Variants in ELMO1 observed in about 807,000 individuals in gnomAD.
The protein encoded by ELMO1 is engulfment and cell motility 1.
ELMO1 carries 26 observed loss-of-function variants against 98.9 expected under a neutral mutation model. That is an observed-to-expected ratio of 0.26 (90% CI 0.19 to 0.36). ELMO1 has a LOEUF of 0.36. ELMO1 is among the 10% of genes least tolerant of loss of function. The pLI is 1.00. For missense variants in ELMO1, 627 were observed against 935.2 expected, an observed-to-expected ratio of 0.67 and a Z score of 4.30; for synonymous variants, 346 against 346.0, an observed-to-expected ratio of 1.00 and a Z score of 0.00.
At chr7:37,164,240 C>G (rs1285600945) in intron 13 of ELMO1, among the ~76,000 whole-genome samples, 2 of 152,118 alleles carry the variant, frequency 1.3e-5, no homozygotes, top group African/African-American at 2.4e-5. Context: ...GATATTAGCC[C>G]TTTGTCAGAT....
At chr7:37,304,645 G>A (rs1304228332) in intron 4 of ELMO1, among the ~76,000 whole-genome samples, 1 of 152,186 alleles carries the variant, frequency 6.6e-6, no homozygotes, top group Non-Finnish European at 1.5e-5. Context: ...GAACCCGGGA[G>A]GTGGAGGTTG....
chr7:36,949,582 G>T (rs1787798233), intron 16 of ELMO1, among the ~76,000 whole-genome samples: 1 of 151,992 alleles, frequency 6.6e-6, no homozygotes, highest in African/African-American at 2.4e-5. Flanking sequence ...ATAATTCTAT[G>T]TTGTGGAAGC....
intron 15 of ELMO1, among the ~76,000 whole-genome samples, chr7:37,018,381 C>T (rs1384112195): frequency 2.0e-5 from 3 of 152,098 alleles, no homozygotes; most frequent in Non-Finnish European, 4.4e-5. Context: ...CCGCCTCACC[C>T]TCCCAAAGTG....
chr7:37,237,351 G>A (rs554888749), intron 7 of ELMO1, among the ~76,000 whole-genome samples: 19 of 152,126 alleles, frequency 1.2e-4, no homozygotes, highest in Middle Eastern at 3.4e-3. Flanking sequence ...GTGCAGTAGC[G>A]CGATCTCAGC....
chr7:36,915,831 T>TGTAA (rs2129070015), intron 16 of ELMO1, among the ~76,000 whole-genome samples: 1 of 152,166 alleles, frequency 6.6e-6, no homozygotes, highest in Admixed American at 6.5e-5. Flanking sequence ...TTGGAAAAGA[T>TGTAA]GTAAGCATCA....
chr7:37,174,934 G>C (rs942654149), intron 13 of ELMO1, among the ~76,000 whole-genome samples: 1 of 152,002 alleles, frequency 6.6e-6, no homozygotes, highest in South Asian at 2.1e-4. Flanking sequence ...AGCATAAAGC[G>C]ACATTTTCTT....
chr7:37,422,595 T>C (rs1055907668), intron 1 of ELMO1, among the ~76,000 whole-genome samples: 7 of 152,250 alleles, frequency 4.6e-5, no homozygotes, highest in African/African-American at 1.7e-4. Flanking sequence ...TTAAATGTTT[T>C]GATGGATTTT....
intron 4 of ELMO1, among the ~76,000 whole-genome samples, chr7:37,313,202 T>G (rs147250179): frequency 6.7e-6 from 1 of 148,706 alleles, no homozygotes; most frequent in Non-Finnish European, 1.5e-5. Context: ...GGAAATCAAG[T>G]TCACTTGTTA....
intron 1 of ELMO1, among the ~76,000 whole-genome samples, chr7:37,359,167 G>A (rs149816042): frequency 0.017 from 2,521 of 152,298 alleles, 34 homozygotes; most frequent in Middle Eastern, 0.024. Flanking sequence ...AGTCCAAGCC[G>A]TCAGTGCCAA....
intron 16 of ELMO1, among the ~76,000 whole-genome samples, chr7:36,953,404 T>C (rs545111360): frequency 1.3e-5 from 2 of 152,346 alleles, no homozygotes; most frequent in African/African-American, 4.8e-5. Context: ...GTCAGACATA[T>C]GTGTTTATTA....
intron 15 of ELMO1, 58 bp from the exon 16 acceptor site, chr7:37,013,493 C>T: frequency 1.9e-6 from 3 of 1,590,086 alleles, no homozygotes; most frequent in Non-Finnish European, 1.7e-6. Context: ...AACACGAGAA[C>T]ATAACCACAG....
chr7:37,027,573 A>C, intron 15 of ELMO1, among the ~76,000 whole-genome samples: 1 of 152,196 alleles, frequency 6.6e-6, no homozygotes, highest in African/African-American at 2.4e-5. Context: ...TCGAAAGGAT[A>C]GAGATGTATA....
intron 6 of ELMO1, among the ~76,000 whole-genome samples, chr7:37,256,804 G>A (rs979389920): frequency 6.7e-6 from 1 of 149,476 alleles, no homozygotes; most frequent in South Asian, 2.2e-4. Flanking sequence ...GGGAGGGAAA[G>A]GAGAGGAAGG....
At chr7:37,328,781 C>CCTTCTCTG (rs1799952480) in intron 2 of ELMO1, among the ~76,000 whole-genome samples, 1 of 152,220 alleles carries the variant, frequency 6.6e-6, no homozygotes, top group Non-Finnish European at 1.5e-5. Context: ...ATGCCCAAAT[C>CCTTCTCTG]ACCATCTCCA....
In ELMO1 at chr7:37,170,921, A is replaced by C. The variant is rs1341060819; in HGVS notation, c.1087-37687T>G. On this transcript the variant is annotated intron_variant, in intron 13 of 21. Coordinates refer to ENST00000310758, the MANE Select transcript of ELMO1 (RefSeq NM_014800.11). The stretch of plus-strand genomic sequence containing the variant: ...ATGCCTGGCTGAACTTTCATTTTAT[A>C]AATTTATTTTTCCCAGAAACTTTGT... 3.3e-5 allele frequency among the ~76,000 whole-genome samples: 5 copies of C among 152,262 alleles called. No homozygotes were observed. The South Asian group carries it at 8.3e-4, about 25-fold the overall frequency.
intron 1 of ELMO1, among the ~76,000 whole-genome samples, chr7:37,448,303 G>GC (rs1174311875): frequency 1.1e-4 from 11 of 101,984 alleles, no homozygotes; most frequent in South Asian, 3.8e-4. Flanking sequence ...ACCCTCCCGC[G>GC]CCCCCCCTCC....
intron 15 of ELMO1, among the ~76,000 whole-genome samples, chr7:37,044,922 T>C (rs1795716548): frequency 6.6e-6 from 1 of 152,238 alleles, no homozygotes; most frequent in South Asian, 2.1e-4. Flanking sequence ...CTGTGGGCTA[T>C]TTATTTTTTA....
At chr7:36,886,725 G>A (rs918563046) in intron 18 of ELMO1, among the ~76,000 whole-genome samples, 1 of 152,208 alleles carries the variant, frequency 6.6e-6, no homozygotes. Context: ...ACAGTCAAGG[G>A]TGCTTTACTT....
intron 13 of ELMO1, among the ~76,000 whole-genome samples, chr7:37,169,357 C>T (rs1789986593): frequency 6.6e-6 from 1 of 152,194 alleles, no homozygotes; most frequent in South Asian, 2.1e-4. Context: ...ATGACCTGCG[C>T]CCACTGTCTG....
Sources: gnomAD v4.1 joint callset for allele counts (sites outside exome capture counted in the v4.1 genomes callset) on GRCh38, gnomAD v4.1.1 for gene constraint, MANE v1.5 for transcripts, NCBI Gene and HGNC (gene_info 2026-07-23, HGNC 2026-07-21) for gene names.